PPP3CA: variants seen among roughly 807,000 people sequenced by gnomAD.
The protein encoded by PPP3CA is protein phosphatase 3 catalytic subunit alpha.
Under a neutral mutation model 66.5 loss-of-function variants are expected in PPP3CA, and 14 were observed. The ratio of observed to expected loss-of-function variants is 0.21; its 90% confidence interval spans 0.14 to 0.33. The LOEUF is 0.33. PPP3CA is among the 10% of genes least tolerant of loss of function. The pLI is 1.00. For synonymous variants in PPP3CA, 232 were observed against 226.2 expected, an observed-to-expected ratio of 1.03 and a Z score of -0.23; for missense variants, 317 against 639.5, an observed-to-expected ratio of 0.50 and a Z score of 5.44.
At chr4:101,272,327 A>C (rs1419487389) in intron 1 of PPP3CA, among the ~76,000 whole-genome samples, 1 of 152,214 alleles carries the variant, frequency 6.6e-6, no homozygotes, top group Non-Finnish European at 1.5e-5. Context: ...ATTATAAATA[A>C]TTATAAGAAT....
chr4:101,284,221 AGTATAACG>A (rs1727767752), intron 1 of PPP3CA, among the ~76,000 whole-genome samples: 1 of 152,200 alleles, frequency 6.6e-6, no homozygotes, highest in African/African-American at 2.4e-5. Flanking sequence ...GTAATCAGGA[AGTATAACG>A]GTAACTTTCT....
chr4:101,248,855 C>T (rs1387992185), intron 1 of PPP3CA, among the ~76,000 whole-genome samples: 2 of 152,102 alleles, frequency 1.3e-5, no homozygotes, highest in East Asian at 1.9e-4. Context: ...AAGTGTTAAA[C>T]GACACTTTAA....
At chr4:101,177,192 CA>C (rs1454590356) in intron 2 of PPP3CA, among the ~76,000 whole-genome samples, 1 of 152,056 alleles carries the variant, frequency 6.6e-6, no homozygotes, top group African/African-American at 2.4e-5. Context: ...CACACAATAA[CA>C]AAAGTTGAGG....
chr4:101,201,113 A>G lies in PPP3CA; in HGVS notation c.59-4997T>C, dbSNP rs567062643. ...ATATTTAGAACATATTGGGCTAAAT[A>G]AAATTTGTTACTAAAATTAATTCCA... On this transcript the variant is annotated intron_variant, in intron 1 of 13. Coordinates refer to ENST00000394854, the MANE Select transcript of PPP3CA (RefSeq NM_000944.5). Among the ~76,000 whole-genome samples the G allele has an allele frequency of 8.5e-5, 13 of 152,358 alleles. No individual in the cohort carries two copies. The South Asian group carries it at 2.7e-3, about 32-fold the overall frequency.
chr4:101,064,545 T>C (rs1728602936), intron 8 of PPP3CA, among the ~76,000 whole-genome samples: 1 of 152,002 alleles, frequency 6.6e-6, no homozygotes, highest in Non-Finnish European at 1.5e-5. Context: ...GGGTTGAAAA[T>C]ACAGAAAAAG....
chr4:101,062,889 A>G (rs1195195880), intron 9 of PPP3CA, among the ~76,000 whole-genome samples: 1 of 151,976 alleles, frequency 6.6e-6, no homozygotes, highest in East Asian at 1.9e-4. Flanking sequence ...GTCCTTTGGG[A>G]TTATAGTACA....
chr4:101,255,449 T>TAG (rs1386527912), intron 1 of PPP3CA, among the ~76,000 whole-genome samples: 1 of 151,882 alleles, frequency 6.6e-6, no homozygotes, highest in Non-Finnish European at 1.5e-5. Flanking sequence ...CAGTTTAACA[T>TAG]AAATTGTTCA....
At chr4:101,199,934 A>G (rs903204146) in intron 1 of PPP3CA, among the ~76,000 whole-genome samples, 3 of 152,216 alleles carry the variant, frequency 2.0e-5, no homozygotes, top group African/African-American at 7.2e-5. Flanking sequence ...CCAGAGAGAA[A>G]CACATTTCAA....
At chr4:101,125,970 A>T (rs1418445094) in intron 2 of PPP3CA, among the ~76,000 whole-genome samples, 1 of 152,078 alleles carries the variant, frequency 6.6e-6, no homozygotes, top group Non-Finnish European at 1.5e-5. Context: ...ATCTTTTTTC[A>T]TAGGAAATAA....
At chr4:101,133,328 AAG>A (rs1722510431) in intron 2 of PPP3CA, among the ~76,000 whole-genome samples, 1 of 152,240 alleles carries the variant, frequency 6.6e-6, no homozygotes, top group African/African-American at 2.4e-5. Context: ...GGCTGACGAC[AAG>A]ATTGTATATT....
At chr4:101,161,312 G>A (rs1723500670) in intron 2 of PPP3CA, among the ~76,000 whole-genome samples, 1 of 152,132 alleles carries the variant, frequency 6.6e-6, no homozygotes. Flanking sequence ...TAAGCAAAGT[G>A]TGACTATAAC....
In PPP3CA at chr4:101,093,770, T is replaced by C. The variant is rs1372681037; in HGVS notation, c.782+6A>G. 1.9e-6 allele frequency: 3 copies of C among 1,603,042 alleles called. No homozygotes were observed. Among genetic ancestry groups the C allele is most frequent in the African/African-American group, 2.7e-5 (2 of 74,486 alleles). ...GTGTTCCAGAGAGCAAGTTCTCTATTCTTACCTGTAGAAGTATGAACACCC... is the reference window on the plus strand; with the variant it reads ...GTGTTCCAGAGAGCAAGTTCTCTATCCTTACCTGTAGAAGTATGAACACCC... On this transcript the variant is annotated splice_donor_region_variant and intron_variant, in intron 6 of 13. Coordinates refer to ENST00000394854, the MANE Select transcript of PPP3CA (RefSeq NM_000944.5).
chr4:101,101,544 G>T (rs1314315896), intron 3 of PPP3CA, among the ~76,000 whole-genome samples: 1 of 152,070 alleles, frequency 6.6e-6, no homozygotes. Flanking sequence ...AAATACATTT[G>T]CATGTTGAAA....
intron 6 of PPP3CA, among the ~76,000 whole-genome samples, chr4:101,083,582 C>T (rs151292375): frequency 4.2e-4 from 64 of 152,256 alleles, no homozygotes; most frequent in African/African-American, 1.4e-3. Flanking sequence ...ACAAAGTGAA[C>T]GGAGCATAAC....
chr4:101,293,594 T>G (rs1728100269), intron 1 of PPP3CA, among the ~76,000 whole-genome samples: 1 of 152,188 alleles, frequency 6.6e-6, no homozygotes, highest in Admixed American at 6.5e-5. Context: ...ATAACACACA[T>G]GGGCCAGTCC....
At chr4:101,280,004 C>G (rs151204149) in intron 1 of PPP3CA, among the ~76,000 whole-genome samples, 3 of 152,162 alleles carry the variant, frequency 2.0e-5, no homozygotes, top group Non-Finnish European at 4.4e-5. Context: ...ATAACATCAT[C>G]GTGGTAGTAA....
At chr4:101,111,734 A>G (rs1560607942) in intron 2 of PPP3CA, among the ~76,000 whole-genome samples, 1 of 152,150 alleles carries the variant, frequency 6.6e-6, no homozygotes. Flanking sequence ...TATCTATAAA[A>G]TGGGGGTGAT....
At chr4:101,054,376 A>G (rs1001746784) in intron 10 of PPP3CA, among the ~76,000 whole-genome samples, 1 of 152,086 alleles carries the variant, frequency 6.6e-6, no homozygotes, top group African/African-American at 2.4e-5. Flanking sequence ...TTTTAAATTA[A>G]CCAAACCCAT....
intron 1 of PPP3CA, among the ~76,000 whole-genome samples, chr4:101,208,012 G>A (rs1725187422): frequency 6.6e-6 from 1 of 152,112 alleles, no homozygotes; most frequent in Non-Finnish European, 1.5e-5. Context: ...ATTTAGGCAT[G>A]ATGGGCAGTC....
Sources: gnomAD v4.1 joint callset for allele counts (sites outside exome capture counted in the v4.1 genomes callset) on GRCh38, gnomAD v4.1.1 for gene constraint, MANE v1.5 for transcripts, NCBI Gene and HGNC (gene_info 2026-07-23, HGNC 2026-07-21) for gene names.